LAMC1: variants seen among roughly 807,000 people sequenced by gnomAD.
LAMC1 encodes laminin subunit gamma-1.
LAMC1 carries 38 observed loss-of-function variants against 173.6 expected under a neutral mutation model. That is an observed-to-expected ratio of 0.22 (90% CI 0.17 to 0.29). The LOEUF (loss-of-function observed/expected upper bound fraction) is 0.29. LAMC1 is among the 10% of genes least tolerant of loss of function. The pLI, the probability that LAMC1 is intolerant of heterozygous loss-of-function variation, is 1.00. For synonymous variants in LAMC1, 746 were observed against 749.1 expected (o/e 1.00, Z 0.07); for missense variants, 1,824 against 2,051.8 (o/e 0.89, Z 2.14).
intron 1 of LAMC1, among the ~76,000 whole-genome samples, chr1:183,058,892 C>T (rs1313660540): frequency 2.6e-5 from 4 of 152,220 alleles, no homozygotes; most frequent in Non-Finnish European, 5.9e-5. Context: ...AAAAGCCTGT[C>T]AGCTGCAATC....
intron 1 of LAMC1, among the ~76,000 whole-genome samples, chr1:183,049,487 G>A (rs1357317429): frequency 6.7e-6 from 1 of 149,332 alleles, no homozygotes; most frequent in Non-Finnish European, 1.5e-5. Flanking sequence ...TTTTTGAGAC[G>A]GAGTTTAGCT....
intron 2 of LAMC1, among the ~76,000 whole-genome samples, chr1:183,103,891 T>G (rs1348549283): frequency 6.6e-6 from 1 of 152,214 alleles, no homozygotes; most frequent in East Asian, 1.9e-4. Flanking sequence ...CTTTACACAT[T>G]TTTTAAAAAG....
Position 183,136,604 on chromosome 1 carries a change from C to A in LAMC1, c.4314+19C>A. ...CCAAAAGGTGTGCGTTTCCTCTTCT[C>A]CAAGAGTCCCTGCCCATATCTTTCT... On this transcript the variant is annotated intron_variant, in intron 25 of 27. Coordinates refer to ENST00000258341, the MANE Select transcript of LAMC1 (RefSeq NM_002293.4). 6.4e-7 allele frequency: 1 copy of A among 1,561,060 alleles called. No individual in the cohort carries two copies. Among genetic ancestry groups the A allele is most frequent in the Non-Finnish European group, 8.7e-7 (1 of 1,148,330 alleles).
chr1:183,023,762 C>A lies in LAMC1; in HGVS notation c.46C>A (p.Arg16=). ...RAAPALRPRG[R]LWPVLAVLAA... Reference sequence around the variant, plus strand: ...CGCGCCGGCCCTGCGGCCCCGGGGGCGGCTCTGGCCCGTGCTGGCCGTGCT... The same window carrying A: ...CGCGCCGGCCCTGCGGCCCCGGGGGAGGCTCTGGCCCGTGCTGGCCGTGCT... Residue 16 remains arginine, a synonymous_variant, in exon 1 of 28, where the codon CGG becomes AGG. Transcript: ENST00000258341. 8.1e-7 allele frequency: 1 copy of A among 1,228,754 alleles called. No homozygotes were observed. Among genetic ancestry groups the A allele is most frequent in the Non-Finnish European group, 1.0e-6 (1 of 976,964 alleles). 76.1% of individuals were successfully genotyped at this position (1,228,754 alleles called of 1,614,324 possible).
rs1656756061 is a variant in LAMC1, at chr1:183,130,560, G to A, written c.3486+11G>A. On this transcript the variant is annotated intron_variant, in intron 19 of 27. Transcript: ENST00000258341. ...GCTGCTGCCAATGTGGTAAGTGATT[G>A]CAAACGTCTGAGGTGGGGATGGGGG... 2 of 1,612,290 alleles carry A rather than the reference G, an allele frequency of 1.2e-6. No homozygotes were observed. The highest frequency in any genetic ancestry group is 8.5e-7 in the Non-Finnish European group (1 of 1,178,346).
intron 1 of LAMC1, among the ~76,000 whole-genome samples, chr1:183,064,173 A>T (rs1654806935): frequency 6.6e-6 from 1 of 152,178 alleles, no homozygotes; most frequent in Non-Finnish European, 1.5e-5. Flanking sequence ...TAATGATGTA[A>T]GTGCTTCTAT....
chr1:183,059,865 A>G (rs1204630413), intron 1 of LAMC1, among the ~76,000 whole-genome samples: 2 of 152,186 alleles, frequency 1.3e-5, no homozygotes, highest in African/African-American at 2.4e-5. Context: ...AAGAAATTTA[A>G]TTTCTCTGAC....
chr1:183,079,232 GTTTTTTTTTTTTTTTTTTTTT>G (rs796732672), intron 1 of LAMC1, among the ~76,000 whole-genome samples: 34 of 62,838 alleles, frequency 5.4e-4, no homozygotes, highest in East Asian at 1.6e-3. Context: ...CTCTAATCTG[GTTTTTTTTTTTTTTTTTTTTT>G]TTTTTTTTTT....
intron 1 of LAMC1, among the ~76,000 whole-genome samples, chr1:183,042,499 G>A (rs1654162665): frequency 6.6e-6 from 1 of 152,160 alleles, no homozygotes; most frequent in Non-Finnish European, 1.5e-5. Flanking sequence ...TGGGTTGGTG[G>A]GGAGAGAACA....
chr1:183,044,401 GTTTA>G (rs980637123), intron 1 of LAMC1, among the ~76,000 whole-genome samples: 8 of 118,716 alleles, frequency 6.7e-5, no homozygotes, highest in Non-Finnish European at 1.3e-4. Flanking sequence ...TCTTTTTTAT[GTTTA>G]TTTATTTTCA....
chr1:183,094,441 A>G (rs1655643152), intron 1 of LAMC1, among the ~76,000 whole-genome samples: 1 of 152,096 alleles, frequency 6.6e-6, no homozygotes. Context: ...TCTGTTCCTT[A>G]CCCAAGCATG....
At chr1:183,140,359 T>C in intron 26 of LAMC1, 45 bp from the exon 27 acceptor site, 6 of 1,189,160 alleles carry the variant, frequency 5.0e-6, no homozygotes, top group Non-Finnish European at 7.2e-6. Context: ...TTAAAGAAGA[T>C]GAAAACATAC....
At chr1:183,128,852 T>A in intron 18 of LAMC1, 102 bp downstream of exon 18, 1 of 896,938 alleles carries the variant, frequency 1.1e-6, no homozygotes, top group Non-Finnish European at 1.6e-6. Flanking sequence ...TCTTTCTCAG[T>A]TTTTAAACTA....
At chr1:183,078,196 C>CT (rs1217617684) in intron 1 of LAMC1, among the ~76,000 whole-genome samples, 2 of 152,024 alleles carry the variant, frequency 1.3e-5, no homozygotes, top group Admixed American at 1.3e-4. Flanking sequence ...ATGTTAGTTG[C>CT]TTTTTTAAAT....
At chr1:183,140,601 GT>G in intron 27 of LAMC1, 98 bp downstream of exon 27, 1 of 565,636 alleles carries the variant, frequency 1.8e-6, no homozygotes, top group Non-Finnish European at 3.0e-6. Flanking sequence ...GATGATATAG[GT>G]TTACATGAAT....
intron 16 of LAMC1, among the ~76,000 whole-genome samples, chr1:183,126,835 A>C (rs116736266): frequency 2.0e-3 from 311 of 152,378 alleles, no homozygotes; most frequent in African/African-American, 7.1e-3. Context: ...GTGAATAAAC[A>C]AACTATAAGA....
chr1:183,143,370 T>C lies in LAMC1; in HGVS notation c.*580T>C, dbSNP rs944971. The C allele has an allele frequency of 0.53, 81,517 of 153,356 alleles. 22,178 individuals are homozygous for C. The highest frequency in any genetic ancestry group is 0.65 in the South Asian group (3,126 of 4,844). 9.5% of individuals were successfully genotyped at this position (153,356 alleles called of 1,614,324 possible). A position where few individuals can be genotyped will look rare whatever the true frequency, so the allele number is the denominator to read the frequency against. On this transcript the variant is annotated 3_prime_UTR_variant, in exon 28 of 28. Transcript: ENST00000258341. ...GGTAGCCATCCATCAGTGCTTTTAG[T>C]TATTATGAGTGTAGGACACTGAGCC...
intron 1 of LAMC1, among the ~76,000 whole-genome samples, chr1:183,091,385 T>A (rs1422191564): frequency 6.6e-6 from 1 of 152,030 alleles, no homozygotes; most frequent in Non-Finnish European, 1.5e-5. Context: ...TAAAGCATTG[T>A]TTACAAAAAT....
intron 1 of LAMC1, among the ~76,000 whole-genome samples, chr1:183,090,782 G>A (rs1184705551): frequency 6.6e-6 from 1 of 152,094 alleles, no homozygotes; most frequent in Non-Finnish European, 1.5e-5. Flanking sequence ...CCCCTTCACT[G>A]CAACTGCTGC....
Sources: gnomAD v4.1 joint callset for allele counts (sites outside exome capture counted in the v4.1 genomes callset) on GRCh38, gnomAD v4.1.1 for gene constraint, MANE v1.5 for transcripts, NCBI Gene and HGNC (gene_info 2026-07-23, HGNC 2026-07-21) for gene names.